The following PKNOX2 variants were observed in gnomAD, a reference collection of about 807,000 sequenced individuals.
The protein encoded by PKNOX2 is homeobox protein PKNOX2.
PKNOX2 carries 14 observed loss-of-function variants against 53.1 expected under a neutral mutation model. That is an observed-to-expected ratio of 0.26 (90% confidence interval 0.17 to 0.41). The LOEUF (loss-of-function observed/expected upper bound fraction) is 0.41, where lower values mean the gene tolerates loss of function less well. PKNOX2 is among the 10% of genes least tolerant of loss of function. The probability of loss-of-function intolerance (pLI) is 1.00; values close to 1 mark genes in which losing one functional copy is unlikely to be tolerated. For missense variants in PKNOX2, 496 were observed against 602.8 expected (o/e 0.82, Z 1.85); for synonymous variants, 257 against 242.8 (o/e 1.06, Z -0.54).
chr11:125,320,060 A>C (rs562915329), intron 2 of PKNOX2, among the ~76,000 whole-genome samples: 1 of 152,248 alleles, frequency 6.6e-6, no homozygotes, highest in Non-Finnish European at 1.5e-5. Context: ...TAGCTGTTTA[A>C]AGGAAAACAG....
chr11:125,421,314 A>G (rs1436162495), intron 10 of PKNOX2, among the ~76,000 whole-genome samples: 1 of 152,220 alleles, frequency 6.6e-6, no homozygotes, highest in African/African-American at 2.4e-5. Flanking sequence ...CAGAGGGGGC[A>G]GGCAGGATGG....
intron 2 of PKNOX2, among the ~76,000 whole-genome samples, chr11:125,323,855 TTGTGTG>T (rs57415781): frequency 1.3e-5 from 2 of 149,786 alleles, no homozygotes; most frequent in African/African-American, 2.4e-5. Flanking sequence ...GTTTCTGGGG[TTGTGTG>T]TGTGTGTGTG....
chr11:125,244,630 A>G (rs979896975), intron 2 of PKNOX2, among the ~76,000 whole-genome samples: 6 of 152,196 alleles, frequency 3.9e-5, no homozygotes, highest in African/African-American at 1.4e-4. Flanking sequence ...TACCAAATGC[A>G]CTGAACCTAT....
intron 2 of PKNOX2, among the ~76,000 whole-genome samples, chr11:125,268,291 G>A (rs544734485): frequency 5.9e-5 from 9 of 152,182 alleles, no homozygotes; most frequent in South Asian, 4.1e-4. Flanking sequence ...TGGGAACCGC[G>A]TGCTGTAGAA....
chr11:125,285,409 TG>T (rs1946835281), intron 2 of PKNOX2, among the ~76,000 whole-genome samples: 1 of 152,204 alleles, frequency 6.6e-6, no homozygotes, highest in South Asian at 2.1e-4. Context: ...CATAGAGTCT[TG>T]ACAGTTAGGT....
chr11:125,431,501 C>T lies in PKNOX2; in HGVS notation c.*109C>T. ...GGCAGGAAGCACCGAGGGAGTTGGGCCCTAGCTTCCCCAAATCAGTAGCTT... is the reference window on the plus strand; with the variant it reads ...GGCAGGAAGCACCGAGGGAGTTGGGTCCTAGCTTCCCCAAATCAGTAGCTT... On this transcript the variant is annotated 3_prime_UTR_variant, in exon 13 of 13. Coordinates refer to ENST00000298282, the MANE Select transcript of PKNOX2 (RefSeq NM_001382323.2). The T allele has an allele frequency of 1.9e-6, 2 of 1,063,622 alleles. No individual in the cohort carries two copies. The highest frequency in any genetic ancestry group is 3.0e-5 in the South Asian group (2 of 66,990). The allele number at this position is 1,063,622 out of a possible 1,614,324, so 65.9% of individuals were successfully genotyped here.
At chr11:125,188,361 T>A (rs532343845) in intron 1 of PKNOX2, among the ~76,000 whole-genome samples, 2 of 152,326 alleles carry the variant, frequency 1.3e-5, no homozygotes, top group East Asian at 3.9e-4. Context: ...ATAGATCATG[T>A]CTTCTGGAGT....
At chr11:125,359,108 A>G (rs1951782801) in intron 4 of PKNOX2, among the ~76,000 whole-genome samples, 1 of 151,706 alleles carries the variant, frequency 6.6e-6, no homozygotes, top group Non-Finnish European at 1.5e-5. Flanking sequence ...CACCATCGGA[A>G]AGGCAGGAAG....
At chr11:125,275,844 T>C (rs1411754296) in intron 2 of PKNOX2, among the ~76,000 whole-genome samples, 1 of 152,126 alleles carries the variant, frequency 6.6e-6, no homozygotes, top group Non-Finnish European at 1.5e-5. Flanking sequence ...TACAGATGTC[T>C]GGGTGTCTGA....
chr11:125,273,403 G>A (rs984460739), intron 2 of PKNOX2, among the ~76,000 whole-genome samples: 3 of 152,192 alleles, frequency 2.0e-5, no homozygotes, highest in African/African-American at 7.2e-5. Flanking sequence ...TGGACCGAGG[G>A]GCAGGAGGAG....
chr11:125,386,711 A>G (rs1304744476), intron 6 of PKNOX2, among the ~76,000 whole-genome samples: 1 of 98,360 alleles, frequency 1.0e-5, no homozygotes, highest in African/African-American at 5.0e-5. Flanking sequence ...AGGAAGAAAA[A>G]GAACACACAC....
intron 3 of PKNOX2, among the ~76,000 whole-genome samples, chr11:125,348,250 G>C (rs1034383159): frequency 4.6e-5 from 7 of 152,208 alleles, no homozygotes; most frequent in African/African-American, 1.7e-4. Context: ...TGCACGTGTG[G>C]GTGGAGAGGT....
intron 2 of PKNOX2, among the ~76,000 whole-genome samples, chr11:125,236,149 C>T (rs1387357728): frequency 3.3e-5 from 5 of 152,186 alleles, no homozygotes; most frequent in African/African-American, 4.8e-5. Context: ...TAAGAATGGC[C>T]GCCCTGCGAT....
chr11:125,188,709 G>A (rs1003560308), intron 1 of PKNOX2, among the ~76,000 whole-genome samples: 2 of 152,146 alleles, frequency 1.3e-5, no homozygotes, highest in African/African-American at 4.8e-5. Flanking sequence ...GCTTTATCAA[G>A]TGACTGCAGC....
rs891655974 is a variant in PKNOX2, at chr11:125,166,529, C to A, written c.-201+1753C>A. On this transcript the variant is annotated intron_variant, in intron 1 of 12. Coordinates refer to ENST00000298282, the MANE Select transcript of PKNOX2 (RefSeq NM_001382323.2). The surrounding 1 kb of genome is among the most constrained non-coding windows in gnomAD (Gnocchi z 4.0). ...ATCTGAGGTCCCGACCCAGGCGGCT[C>A]GGAGTGCTCCAGGAGCCACCTGGGT... Among the ~76,000 whole-genome samples, 1 of 152,048 alleles carries A rather than the reference C, an allele frequency of 6.6e-6. No individual in the cohort carries two copies. The highest frequency in any genetic ancestry group is 2.4e-5 in the African/African-American group (1 of 41,404).
At chr11:125,363,670 A>T (rs1565507163) in intron 4 of PKNOX2, among the ~76,000 whole-genome samples, 1 of 152,280 alleles carries the variant, frequency 6.6e-6, no homozygotes, top group East Asian at 1.9e-4. Context: ...CTCCTTGGGG[A>T]AAAGCTCCAA....
At chr11:125,349,293 ACC>A (rs1951166758) in intron 3 of PKNOX2, among the ~76,000 whole-genome samples, 1 of 150,070 alleles carries the variant, frequency 6.7e-6, no homozygotes, top group Non-Finnish European at 1.5e-5. Flanking sequence ...TGGGATGCTG[ACC>A]ACCACCCAGA....
chr11:125,314,760 A>G (rs1949052360), intron 2 of PKNOX2, among the ~76,000 whole-genome samples: 1 of 152,076 alleles, frequency 6.6e-6, no homozygotes, highest in South Asian at 2.1e-4. Flanking sequence ...CGAGAGGACA[A>G]AAAACCTGGC....
At chr11:125,351,994 A>G (rs1231075141) in intron 4 of PKNOX2, among the ~76,000 whole-genome samples, 1 of 151,228 alleles carries the variant, frequency 6.6e-6, no homozygotes, top group East Asian at 1.9e-4. Flanking sequence ...GCCGCCCCCC[A>G]AGATCTTCTG....
Sources: gnomAD v4.1 joint callset for allele counts (sites outside exome capture counted in the v4.1 genomes callset) on GRCh38, gnomAD v4.1.1 for gene constraint, Gnocchi (gnomAD v3.1) non-coding constraint, MANE v1.5 for transcripts, NCBI Gene and HGNC (gene_info 2026-07-23, HGNC 2026-07-21) for gene names.